The following PLCH1 variants were observed in gnomAD, a reference collection of about 807,000 sequenced individuals.
The protein encoded by PLCH1 is phospholipase C eta 1, also known as 1-phosphatidylinositol 4,5-bisphosphate phosphodiesterase eta-1.
In PLCH1, 60 loss-of-function variants were observed where a neutral mutation model predicts 126.7. The observed-to-expected ratio is 0.47, with a 90% CI of 0.38 to 0.59. PLCH1 has a LOEUF of 0.59. Ranked by LOEUF, PLCH1 falls within the 20% of genes least tolerant of loss-of-function variation. The pLI, the probability that PLCH1 is intolerant of heterozygous loss-of-function variation, is 0.00. For synonymous variants in PLCH1, 719 were observed against 734.9 expected (o/e 0.98, Z 0.35); for missense variants, 1,723 against 2,040.0 (o/e 0.84, Z 2.99).
intron 6 of PLCH1, among the ~76,000 whole-genome samples, chr3:155,574,833 A>G (rs1729711052): frequency 1.3e-5 from 2 of 152,146 alleles, no homozygotes; most frequent in African/African-American, 4.8e-5. Context: ...TTAATTGTGA[A>G]TAATTAAGAA....
chr3:155,471,114 TAA>T (rs1335813504), intron 21 of PLCH1, among the ~76,000 whole-genome samples: 1 of 152,062 alleles, frequency 6.6e-6, no homozygotes, highest in African/African-American at 2.4e-5. Flanking sequence ...ATGCTCCAAT[TAA>T]AAGACACAGA....
At chr3:155,534,265 C>T (rs1010329077) in intron 10 of PLCH1, among the ~76,000 whole-genome samples, 12 of 152,212 alleles carry the variant, frequency 7.9e-5, no homozygotes, top group African/African-American at 2.4e-4. Flanking sequence ...GAGCTCACCT[C>T]TTGCATCAGC....
intron 21 of PLCH1, among the ~76,000 whole-genome samples, chr3:155,487,662 G>A (rs943711557): frequency 2.6e-5 from 4 of 152,186 alleles, no homozygotes; most frequent in African/African-American, 9.7e-5. Flanking sequence ...AACCATCTGA[G>A]ACACTGCATT....
At chr3:155,469,070 G>C (rs10936004) in intron 21 of PLCH1, among the ~76,000 whole-genome samples, 45,969 of 151,984 alleles carry the variant, frequency 0.3, 7,874 homozygotes, top group African/African-American at 0.45. Context: ...ATAGGGGGAG[G>C]AGCCAAGATG....
chr3:155,481,079 G>C lies in PLCH1; in HGVS notation c.4947C>G (p.Cys1649Trp). 6.2e-7 allele frequency: 1 copy of C among 1,614,212 alleles called. No homozygotes were observed. Among genetic ancestry groups the C allele is most frequent in the Non-Finnish European group, 8.5e-7 (1 of 1,180,000 alleles). Residue 1649 changes from cysteine to tryptophan, a missense_variant, in exon 23 of 23, where the codon TGC (cysteine) becomes TGG (tryptophan). This residue lies in a region of PLCH1 where 947 missense variants were observed against 977.1 expected (regional missense o/e 0.97). Transcript: ENST00000460012. The surrounding 1 kb of genome is among the most constrained non-coding windows in gnomAD (Gnocchi z 4.2). The stretch of plus-strand genomic sequence containing the variant: ...CAACGTGGCCATAGTGAAGAGCCGT[G>C]CATGCCCCCTCTGGGATGCCCCGGC... ...LEGRGIPEGACTALHYGHVDQ... is the reference protein window; with the variant it reads ...LEGRGIPEGAWTALHYGHVDQ...
chr3:155,624,407 C>T (rs920760925), intron 2 of PLCH1, among the ~76,000 whole-genome samples: 36 of 152,220 alleles, frequency 2.4e-4, no homozygotes, highest in African/African-American at 8.4e-4. Flanking sequence ...CCAGGGCAAT[C>T]AGGCAGGAGA....
chr3:155,704,371 G>A (rs901133872), intron 1 of PLCH1, 107 bp from the exon 2 acceptor site: 15 of 397,062 alleles, frequency 3.8e-5, no homozygotes, highest in Non-Finnish European at 5.8e-5. Context: ...CAACATATAC[G>A]GCATACAACT....
intron 2 of PLCH1, 109 bp from the exon 3 acceptor site, chr3:155,596,487 G>C: frequency 1.2e-6 from 1 of 838,354 alleles, no homozygotes; most frequent in Non-Finnish European, 1.8e-6. Flanking sequence ...AGACTCCAAG[G>C]ACCAGAACAA....
At chr3:155,656,455 C>G (rs566955128) in intron 2 of PLCH1, among the ~76,000 whole-genome samples, 2 of 152,144 alleles carry the variant, frequency 1.3e-5, no homozygotes, top group South Asian at 4.2e-4. Flanking sequence ...ATTTCATTAA[C>G]CAGTGAAATT....
intron 2 of PLCH1, among the ~76,000 whole-genome samples, chr3:155,600,372 C>G (rs1733558629): frequency 6.6e-6 from 1 of 152,198 alleles, no homozygotes; most frequent in South Asian, 2.1e-4. Flanking sequence ...TCATTGTCCA[C>G]CCATGCTCTA....
chr3:155,550,062 G>A (rs1458723655), intron 9 of PLCH1, 104 bp from the exon 10 acceptor site: 70 of 719,260 alleles, frequency 9.7e-5, no homozygotes, highest in Non-Finnish European at 1.1e-5. Context: ...CCTAGTGACA[G>A]TATTTGCGAT....
At chr3:155,462,433 A>AAT (rs1712765490) in intron 21 of PLCH1, among the ~76,000 whole-genome samples, 1 of 152,102 alleles carries the variant, frequency 6.6e-6, no homozygotes, top group African/African-American at 2.4e-5. Flanking sequence ...ATCAGCTATG[A>AAT]CCCTGAACCA....
At chr3:155,506,215 A>C (rs1718662031) in intron 12 of PLCH1, among the ~76,000 whole-genome samples, 1 of 152,160 alleles carries the variant, frequency 6.6e-6, no homozygotes, top group Non-Finnish European at 1.5e-5. Context: ...GAAAGCAGAA[A>C]TACAGAAAGT....
intron 2 of PLCH1, among the ~76,000 whole-genome samples, chr3:155,599,031 G>A (rs1406759939): frequency 1.8e-5 from 2 of 111,412 alleles, no homozygotes; most frequent in African/African-American, 3.7e-5. Context: ...CTCCCCATAT[G>A]AAGATACAGC....
chr3:155,500,899 A>T, intron 13 of PLCH1, 105 bp from the exon 14 acceptor site: 1 of 726,654 alleles, frequency 1.4e-6, no homozygotes, highest in Middle Eastern at 2.9e-4. Context: ...CACAAACATA[A>T]CTTGGAGGGA....
intron 2 of PLCH1, among the ~76,000 whole-genome samples, chr3:155,673,048 CTTTTTTTTTTT>C (rs66672315): frequency 1.5e-5 from 1 of 68,222 alleles, no homozygotes; most frequent in African/African-American, 6.8e-5. Context: ...CTTCTGTTGC[CTTTTTTTTTTT>C]TTTTTTTTTT....
At chr3:155,641,459 C>T (rs1739392848) in intron 2 of PLCH1, among the ~76,000 whole-genome samples, 2 of 152,016 alleles carry the variant, frequency 1.3e-5, no homozygotes, top group Non-Finnish European at 2.9e-5. Context: ...CTCATCAAAA[C>T]TCAAGATCAG....
chr3:155,605,513 A>AT (rs34899566), intron 2 of PLCH1, among the ~76,000 whole-genome samples: 2 of 152,212 alleles, frequency 1.3e-5, no homozygotes, highest in Non-Finnish European at 2.9e-5. Flanking sequence ...ATTCTCAATA[A>AT]TTTTTTAAAG....
intron 8 of PLCH1, among the ~76,000 whole-genome samples, chr3:155,562,982 C>T (rs1041306248): frequency 2.6e-5 from 4 of 152,172 alleles, no homozygotes; most frequent in African/African-American, 9.7e-5. Flanking sequence ...ACCAACAATT[C>T]CCTGCTGTCA....
Sources: allele counts gnomAD v4.1 joint callset (sites outside exome capture counted in the v4.1 genomes callset), GRCh38; gene constraint gnomAD v4.1.1; regional missense constraint gnomAD v4.1.1; non-coding constraint Gnocchi (gnomAD v3.1); transcripts MANE v1.5; gene names NCBI Gene and HGNC (gene_info 2026-07-23, HGNC 2026-07-21).